PVT1: variants seen among roughly 807,000 people sequenced by gnomAD.
The protein encoded by PVT1 is CXCR4/PVT1 fusion.
intron 5 of PVT1, among the ~76,000 whole-genome samples, chr8:128,092,800 T>TA (rs1814376259): frequency 6.6e-6 from 1 of 152,134 alleles, no homozygotes; most frequent in Non-Finnish European, 1.5e-5. Flanking sequence ...ATGGTGCCAT[T>TA]ACCTTTAATG....
At chr8:127,992,518 C>T (rs1211827604) in intron 4 of PVT1, among the ~76,000 whole-genome samples, 4 of 152,130 alleles carry the variant, frequency 2.6e-5, no homozygotes, top group African/African-American at 9.7e-5. Flanking sequence ...GTACTATAGG[C>T]ACACACCACA....
chr8:127,971,983 G>T (rs1326270578), intron 3 of PVT1, among the ~76,000 whole-genome samples: 4 of 152,172 alleles, frequency 2.6e-5, no homozygotes, highest in African/African-American at 9.6e-5. Flanking sequence ...TACTCAGATC[G>T]CCCTTGGAAA....
chr8:127,947,696 T>TG (rs1193965805), intron 3 of PVT1: 1 of 456,038 alleles, frequency 2.2e-6, no homozygotes, highest in African/African-American at 2.0e-5. Context: ...AGCTGTGTTG[T>TG]GACTGCCCAC....
Position 127,971,904 on chromosome 8 carries a change from G to A in PVT1, n.783-17258G>A, listed in dbSNP as rs57572407. 8.5e-3 allele frequency among the ~76,000 whole-genome samples: 1,294 copies of A among 152,230 alleles called. 28 individuals are homozygous for A. Among genetic ancestry groups the A allele is most frequent in the African/African-American group, 0.029 (1,213 of 41,532 alleles). On this transcript the variant is annotated intron_variant and non_coding_transcript_variant, in intron 3 of 10. Coordinates refer to ENST00000651587, the Ensembl canonical transcript of PVT1. ...AAGGAAGAGTAGAATGCTGGTCTTC[G>A]GACAGTCCGGCCAAGTGAGACTGTC...
At chr8:127,806,068 A>T (rs750219996) in intron 2 of PVT1, among the ~76,000 whole-genome samples, 27 of 152,360 alleles carry the variant, frequency 1.8e-4, no homozygotes, top group Admixed American at 1.5e-3. Context: ...CAAAACACTA[A>T]TATCTAGAAT....
chr8:127,997,067 T>G (rs1183387620), intron 4 of PVT1, among the ~76,000 whole-genome samples: 5 of 145,390 alleles, frequency 3.4e-5, no homozygotes, highest in African/African-American at 7.6e-5. Flanking sequence ...GTTTGTTTGT[T>G]TTTTGATACA....
At chr8:128,030,654 G>A (rs1162819569) in intron 4 of PVT1, among the ~76,000 whole-genome samples, 1 of 152,158 alleles carries the variant, frequency 6.6e-6, no homozygotes, top group African/African-American at 2.4e-5. Context: ...TTAAGAACAG[G>A]GACTGTGTGC....
chr8:127,989,439 A>G (rs1039573542), intron 4 of PVT1: 5 of 152,148 alleles, frequency 3.3e-5, no homozygotes, highest in African/African-American at 1.2e-4. Flanking sequence ...CTGGCTCCCC[A>G]TAACCTCTCC....
At chr8:128,065,901 T>C (rs1813904957) in intron 4 of PVT1, among the ~76,000 whole-genome samples, 1 of 152,146 alleles carries the variant, frequency 6.6e-6, no homozygotes, top group Non-Finnish European at 1.5e-5. Context: ...TTGCTGAGAG[T>C]CCTACTGTGT....
chr8:127,951,528 A>G (rs1816505467), intron 3 of PVT1, among the ~76,000 whole-genome samples: 1 of 152,214 alleles, frequency 6.6e-6, no homozygotes, highest in Admixed American at 6.5e-5. Context: ...TCTTGAGATT[A>G]GAGCTGAATG....
chr8:127,939,250 A>AGGTGTGGT (rs1816315330), intron 3 of PVT1, among the ~76,000 whole-genome samples: 1 of 152,052 alleles, frequency 6.6e-6, no homozygotes, highest in Admixed American at 6.5e-5. Flanking sequence ...CCCTTTCCCA[A>AGGTGTGGT]CCAGCACCTT....
intron 4 of PVT1, among the ~76,000 whole-genome samples, chr8:128,015,174 C>A (rs1483525577): frequency 2.6e-5 from 4 of 152,008 alleles, no homozygotes; most frequent in Non-Finnish European, 5.9e-5. Context: ...ACTGCAACCT[C>A]TGGTATCTGG....
intron 4 of PVT1, among the ~76,000 whole-genome samples, chr8:128,006,816 T>C (rs555781115): frequency 3.9e-5 from 6 of 152,342 alleles, no homozygotes; most frequent in African/African-American, 1.4e-4. Flanking sequence ...TGCTCAGATT[T>C]TTCTAGATTT....
intron 5 of PVT1, among the ~76,000 whole-genome samples, chr8:128,096,301 T>G (rs1814428171): frequency 6.6e-6 from 1 of 152,222 alleles, no homozygotes; most frequent in Non-Finnish European, 1.5e-5. Context: ...GTCACTCTCT[T>G]TGATGGGCAG....
chr8:127,806,924 T>C (rs1186468368), intron 2 of PVT1, among the ~76,000 whole-genome samples: 1 of 152,266 alleles, frequency 6.6e-6, no homozygotes, highest in Non-Finnish European at 1.5e-5. Context: ...GATATACCAC[T>C]GTTTGTTTAT....
chr8:127,887,823 T>C lies in PVT1; in HGVS notation n.373-2766T>C, dbSNP rs150451311. Among the ~76,000 whole-genome samples, 632 of 150,896 alleles carry C rather than the reference T, an allele frequency of 4.2e-3. 5 individuals carry two copies. The highest frequency in any genetic ancestry group is 0.015 in the African/African-American group (602 of 41,208). On this transcript the variant is annotated intron_variant and non_coding_transcript_variant, in intron 2 of 10. Coordinates refer to ENST00000651587, the Ensembl canonical transcript of PVT1. Reference sequence around the variant, plus strand: ...ATTTACAGGCATGAGCCACCACGCTTGGCCTAGAAACACTGTCTTATTTAA... The same window carrying C: ...ATTTACAGGCATGAGCCACCACGCTCGGCCTAGAAACACTGTCTTATTTAA...
chr8:127,802,084 T>A (rs1814471602), intron 2 of PVT1, among the ~76,000 whole-genome samples: 1 of 151,654 alleles, frequency 6.6e-6, no homozygotes, highest in African/African-American at 2.4e-5. Flanking sequence ...CCTGGCTAAT[T>A]TTGTATTTTT....
At chr8:127,995,637 C>G (rs926383727) in intron 4 of PVT1, among the ~76,000 whole-genome samples, 7 of 152,122 alleles carry the variant, frequency 4.6e-5, no homozygotes, top group African/African-American at 1.7e-4. Context: ...CGGTGATGGT[C>G]GTGTTAGTAC....
chr8:127,868,464 T>C (rs1815309245), intron 2 of PVT1, among the ~76,000 whole-genome samples: 1 of 152,058 alleles, frequency 6.6e-6, no homozygotes, highest in Non-Finnish European at 1.5e-5. Context: ...CTTGGCTCAC[T>C]ACAACCCCGA....
Sources: allele counts gnomAD v4.1 joint callset (sites outside exome capture counted in the v4.1 genomes callset), GRCh38; gene constraint gnomAD v4.1.1; transcripts MANE v1.5; gene names NCBI Gene and HGNC (gene_info 2026-07-23, HGNC 2026-07-21).